Variants in SOX5 observed in about 807,000 individuals in gnomAD.
SOX5 encodes SRY-box transcription factor 5.
Under a neutral mutation model 92.0 loss-of-function variants are expected in SOX5, and 9 were observed. That is an observed-to-expected ratio of 0.10 (90% CI 0.06 to 0.17). SOX5 has a LOEUF of 0.17. Ranked by LOEUF, SOX5 falls within the 10% of genes least tolerant of loss-of-function variation. The probability of loss-of-function intolerance (pLI) is 1.00; values close to 1 mark genes in which losing one functional copy is unlikely to be tolerated. For synonymous variants in SOX5, 344 were observed against 336.3 expected (o/e 1.02, Z -0.25); for missense variants, 642 against 944.5 (o/e 0.68, Z 4.20).
At chr12:24,002,622 C>A (rs956512526) in intron 4 of SOX5, among the ~76,000 whole-genome samples, 11 of 131,364 alleles carry the variant, frequency 8.4e-5, no homozygotes, top group African/African-American at 2.6e-4. Flanking sequence ...CAAAAAAAAA[C>A]CTGCTGGCAT....
intron 9 of SOX5, among the ~76,000 whole-genome samples, chr12:23,596,399 A>G (rs1952455050): frequency 6.6e-6 from 1 of 152,216 alleles, no homozygotes; most frequent in Non-Finnish European, 1.5e-5. Flanking sequence ...ACAAATTTAT[A>G]CTTTGAGGCA....
At chr12:24,124,725 T>C (rs1262086549) in intron 4 of SOX5, among the ~76,000 whole-genome samples, 7 of 152,304 alleles carry the variant, frequency 4.6e-5, no homozygotes, top group African/African-American at 1.7e-4. Context: ...ACTAATGGAC[T>C]AATTGGAATA....
intron 1 of SOX5, among the ~76,000 whole-genome samples, chr12:23,945,316 C>T (rs563029295): frequency 2.0e-5 from 3 of 152,206 alleles, no homozygotes; most frequent in East Asian, 3.9e-4. Flanking sequence ...TTAACATGTG[C>T]TTATTATATT....
At chr12:23,633,761 G>A (rs943014540) in intron 8 of SOX5, among the ~76,000 whole-genome samples, 1 of 152,060 alleles carries the variant, frequency 6.6e-6, no homozygotes, top group African/African-American at 2.4e-5. Context: ...TAAGCCATGA[G>A]TCAAATAAAA....
chr12:23,768,796 T>A (rs771224583), intron 3 of SOX5, among the ~76,000 whole-genome samples: 65 of 152,116 alleles, frequency 4.3e-4, no homozygotes, highest in Non-Finnish European at 8.8e-4. Context: ...TGATCTTTAT[T>A]GCTTGACAGG....
intron 3 of SOX5, among the ~76,000 whole-genome samples, chr12:24,249,682 CA>C (rs1327998754): frequency 6.6e-6 from 1 of 152,210 alleles, no homozygotes; most frequent in Non-Finnish European, 1.5e-5. Flanking sequence ...CCCAGGCCAA[CA>C]TGCCATTGAT....
intron 1 of SOX5, among the ~76,000 whole-genome samples, chr12:24,441,686 C>G (rs1940621507): frequency 6.6e-6 from 1 of 151,970 alleles, no homozygotes; most frequent in Admixed American, 6.6e-5. Context: ...AAAAAGTTGA[C>G]AAAACAATGA....
At chr12:24,315,805 G>GAA (rs1949644538) in intron 2 of SOX5, among the ~76,000 whole-genome samples, 1 of 152,216 alleles carries the variant, frequency 6.6e-6, no homozygotes, top group South Asian at 2.1e-4. Context: ...TTTCTAGCAC[G>GAA]TGGTCCTCTT....
chr12:24,386,203 A>G (rs900561711), intron 1 of SOX5, among the ~76,000 whole-genome samples: 3 of 152,114 alleles, frequency 2.0e-5, no homozygotes, highest in Admixed American at 6.6e-5. Context: ...GTCTATTGAC[A>G]ATGTTAAGTG....
At chr12:24,282,780 T>C (rs1945372767) in intron 2 of SOX5, among the ~76,000 whole-genome samples, 1 of 152,224 alleles carries the variant, frequency 6.6e-6, no homozygotes, top group Non-Finnish European at 1.5e-5. Context: ...AGGGCAGTGC[T>C]AGATCTGGGT....
chr12:23,559,098 G>C (rs1945753476), intron 11 of SOX5, among the ~76,000 whole-genome samples: 1 of 152,144 alleles, frequency 6.6e-6, no homozygotes, highest in Non-Finnish European at 1.5e-5. Context: ...AAGACTGTCT[G>C]GTGGGATCAG....
At chr12:23,551,538 CCTCTAA>C (rs927189018) in intron 11 of SOX5, among the ~76,000 whole-genome samples, 1 of 151,782 alleles carries the variant, frequency 6.6e-6, no homozygotes, top group Non-Finnish European at 1.5e-5. Flanking sequence ...TACACACTTT[CCTCTAA>C]CTCTAACAAA....
chr12:23,673,063 G>A (rs540179042), intron 6 of SOX5, among the ~76,000 whole-genome samples: 1 of 152,126 alleles, frequency 6.6e-6, no homozygotes, highest in African/African-American at 2.4e-5. Context: ...ATTAAAAGTT[G>A]CTAATCATAG....
At chr12:24,374,774 G>T (rs1280476382) in intron 1 of SOX5, among the ~76,000 whole-genome samples, 1 of 152,142 alleles carries the variant, frequency 6.6e-6, no homozygotes, top group Non-Finnish European at 1.5e-5. Flanking sequence ...ATGAATAAAT[G>T]TGACAGCCCA....
intron 2 of SOX5, among the ~76,000 whole-genome samples, chr12:23,882,321 T>A (rs1179489219): frequency 1.3e-5 from 2 of 150,886 alleles, no homozygotes; most frequent in Admixed American, 1.3e-4. Context: ...AATCCCTGAA[T>A]GAAAAGGAAT....
chr12:24,527,915 G>C (rs1440374739), intron 1 of SOX5, among the ~76,000 whole-genome samples: 1 of 152,226 alleles, frequency 6.6e-6, no homozygotes, highest in Non-Finnish European at 1.5e-5. Context: ...TTTATGAAGA[G>C]TGAATGAAGT....
intron 4 of SOX5, among the ~76,000 whole-genome samples, chr12:23,963,765 T>TGA (rs71445973): frequency 7.9e-6 from 1 of 125,856 alleles, no homozygotes; most frequent in South Asian, 2.6e-4. Context: ...ATGAATGAAG[T>TGA]AAAAAAAAAA....
chr12:24,016,652 G>C (rs927162737), intron 4 of SOX5, among the ~76,000 whole-genome samples: 1 of 152,222 alleles, frequency 6.6e-6, no homozygotes, highest in Non-Finnish European at 1.5e-5. Flanking sequence ...AAAAAAATGG[G>C]AGACCATCTG....
At chr12:23,839,529 T>A (rs1327504218) in intron 3 of SOX5, among the ~76,000 whole-genome samples, 1 of 151,934 alleles carries the variant, frequency 6.6e-6, no homozygotes, top group Non-Finnish European at 1.5e-5. Context: ...CAAAAACAGA[T>A]AAAGACATTA....
Sources: gnomAD v4.1 joint callset for allele counts (sites outside exome capture counted in the v4.1 genomes callset) on GRCh38, gnomAD v4.1.1 for gene constraint, MANE v1.5 for transcripts, NCBI Gene and HGNC (gene_info 2026-07-23, HGNC 2026-07-21) for gene names.